Variants in EHBP1 observed in about 807,000 individuals in gnomAD.
The protein encoded by EHBP1 is EH domain binding protein 1, also known as EH domain-binding protein 1.
A neutral mutation model predicts 144.0 loss-of-function variants in EHBP1; 55 were observed. The ratio of observed to expected loss-of-function variants is 0.38; its 90% confidence interval spans 0.31 to 0.48. The LOEUF (loss-of-function observed/expected upper bound fraction) is 0.48, where lower values mean the gene tolerates loss of function less well. EHBP1 is among the 20% of genes least tolerant of loss of function. The probability of loss-of-function intolerance (pLI) is 0.98; values close to 1 mark genes in which losing one functional copy is unlikely to be tolerated. For synonymous variants in EHBP1, 469 were observed against 472.7 expected (o/e 0.99, Z 0.10); for missense variants, 1,200 against 1,364.2 (o/e 0.88, Z 1.90).
intron 2 of EHBP1, among the ~76,000 whole-genome samples, chr2:62,708,082 A>G (rs2151806704): frequency 6.6e-6 from 1 of 152,338 alleles, no homozygotes; most frequent in Non-Finnish European, 1.5e-5. Context: ...TTAAGCAGTA[A>G]TGGACTTATT....
intron 15 of EHBP1, chr2:62,988,113 A>T: frequency 1.3e-6 from 1 of 782,718 alleles, no homozygotes; most frequent in Non-Finnish European, 2.1e-6. Flanking sequence ...TATCTCATCA[A>T]TAATAATAAT....
chr2:62,809,933 T>C (rs2044850153), intron 5 of EHBP1, among the ~76,000 whole-genome samples: 1 of 152,206 alleles, frequency 6.6e-6, no homozygotes, highest in Non-Finnish European at 1.5e-5. Context: ...CCACCCTTTC[T>C]AAGAGTGACA....
At chr2:62,702,112 A>C (rs2034295939), upstream of EHBP1, among the ~76,000 whole-genome samples, 1 of 152,200 alleles carries the variant, frequency 6.6e-6, no homozygotes, top group Non-Finnish European at 1.5e-5. Flanking sequence ...TGAGGCAGTG[A>C]CTAAAAAAGC....
At chr2:62,996,176 A>G (rs1022807077) in intron 18 of EHBP1, among the ~76,000 whole-genome samples, 1 of 152,112 alleles carries the variant, frequency 6.6e-6, no homozygotes, top group African/African-American at 2.4e-5. Flanking sequence ...TTGTATTTCC[A>G]TAGAACAAAT....
intron 5 of EHBP1, among the ~76,000 whole-genome samples, chr2:62,801,080 A>G (rs2043945661): frequency 6.6e-6 from 1 of 152,182 alleles, no homozygotes; most frequent in Non-Finnish European, 1.5e-5. Flanking sequence ...ACTATACAAT[A>G]TTTTATCTAA....
At chr2:62,774,376 GAA>G (rs796115825) in intron 5 of EHBP1, among the ~76,000 whole-genome samples, 1 of 76,388 alleles carries the variant, frequency 1.3e-5, no homozygotes, top group African/African-American at 4.9e-5. Context: ...GTCTCAAAAA[GAA>G]AAAAAAAAAA....
chr2:62,719,666 A>G (rs2036021606), intron 2 of EHBP1, among the ~76,000 whole-genome samples: 1 of 152,266 alleles, frequency 6.6e-6, no homozygotes. Flanking sequence ...AAACATGTAC[A>G]GATTTGTTTT....
chr2:63,039,510 A>G (rs1574585533), intron 21 of EHBP1, among the ~76,000 whole-genome samples: 1 of 152,108 alleles, frequency 6.6e-6, no homozygotes, highest in South Asian at 2.1e-4. Flanking sequence ...ATGTCTGCTT[A>G]AAAGCTAATC....
chr2:62,982,373 G>A (rs1250997977), intron 15 of EHBP1, among the ~76,000 whole-genome samples: 1 of 152,174 alleles, frequency 6.6e-6, no homozygotes. Context: ...GAGCCTGGTT[G>A]TTATTTACCT....
At chr2:62,674,112 C>T in intron 1 of EHBP1, 1 of 471,156 alleles carries the variant, frequency 2.1e-6, no homozygotes, top group Non-Finnish European at 4.4e-6. Context: ...CAAGCATCCT[C>T]CTAATGTTCT....
chr2:62,701,645 G>A (rs574216551), upstream of EHBP1, among the ~76,000 whole-genome samples: 18 of 152,258 alleles, frequency 1.2e-4, no homozygotes, highest in South Asian at 3.3e-3. Context: ...GAGGAGAAAA[G>A]CCATAGCAAG....
intron 10 of EHBP1, among the ~76,000 whole-genome samples, chr2:62,882,711 C>G (rs1304409084): frequency 6.6e-6 from 1 of 152,038 alleles, no homozygotes; most frequent in Non-Finnish European, 1.5e-5. Context: ...GGAGAAACCT[C>G]GTCTCTACTA....
chr2:62,949,449 T>C (rs1486770746), intron 13 of EHBP1, among the ~76,000 whole-genome samples: 3 of 152,144 alleles, frequency 2.0e-5, no homozygotes, highest in Non-Finnish European at 4.4e-5. Context: ...TTAAGGTTTA[T>C]GATATAATAT....
At position 62,948,510 on chromosome 2, in the gene EHBP1, A is replaced by T. The variant is rs77187983; in HGVS notation, c.1664A>T (p.Asp555Val). 6.1e-3 allele frequency: 9,829 copies of T among 1,614,098 alleles called. 37 individuals carry two copies. The highest frequency in any genetic ancestry group is 7.3e-3 in the Non-Finnish European group (8,658 of 1,179,962). ...DQEKFYAELS[D>V]LKREPELQQP... ...GAAAAATTCTATGCAGAGCTTAGTGATCTGAAGCGGGAGCCTGAACTACAA... is the reference window on the plus strand; with the variant it reads ...GAAAAATTCTATGCAGAGCTTAGTGTTCTGAAGCGGGAGCCTGAACTACAA... The change falls in exon 13 of 23, where the codon GAT becomes GTT. Residue 555 changes from aspartate to valine, a missense_variant. Physicochemically the swap from Asp to Val is radical, Grantham distance 152. This residue lies in a region of EHBP1 where 543 missense variants were observed against 513.1 expected (regional missense o/e 1.06). Transcript: ENST00000431489.
At chr2:62,887,683 G>A (rs1480066906) in intron 10 of EHBP1, among the ~76,000 whole-genome samples, 1 of 152,102 alleles carries the variant, frequency 6.6e-6, no homozygotes, top group Non-Finnish European at 1.5e-5. Context: ...AGGTCGTGGT[G>A]AGCCACTGCA....
rs1354596282 is a variant in EHBP1 at position 62,949,179 on chromosome 2, G to A, written c.2316+17G>A. ...ATAGTCCAGGTAAGTGAGTTAGAAT[G>A]CTGAATACTATATTTAGTAATTAGT... On this transcript the variant is annotated intron_variant, in intron 13 of 22. Transcript: ENST00000431489. 1 of 1,518,116 alleles carries A rather than the reference G, an allele frequency of 6.6e-7. No individual in the cohort carries two copies. Among genetic ancestry groups the A allele is most frequent in the East Asian group, 2.3e-5 (1 of 44,098 alleles). The allele number at this position is 1,518,116 out of a possible 1,614,324, so 94.0% of individuals were successfully genotyped here.
chr2:62,675,104 G>A (rs552651247), intron 1 of EHBP1, among the ~76,000 whole-genome samples: 202 of 152,298 alleles, frequency 1.3e-3, no homozygotes, highest in Middle Eastern at 0.01. Context: ...GCAGAAACTG[G>A]AGAGATTTCT....
intron 13 of EHBP1, among the ~76,000 whole-genome samples, chr2:62,952,380 G>A (rs146171713): frequency 1.0e-3 from 158 of 152,076 alleles, no homozygotes; most frequent in Non-Finnish European, 1.5e-3. Context: ...TAACTTCTCC[G>A]AAATCAATAT....
At chr2:62,689,062 T>C (rs1243473952) in intron 1 of EHBP1, among the ~76,000 whole-genome samples, 1 of 152,228 alleles carries the variant, frequency 6.6e-6, no homozygotes, top group African/African-American at 2.4e-5. Flanking sequence ...ATTTGAAGCC[T>C]GTTATTTTTT....
Sources: gnomAD v4.1 joint callset for allele counts (sites outside exome capture counted in the v4.1 genomes callset) on GRCh38, gnomAD v4.1.1 for gene constraint, gnomAD v4.1.1 regional missense constraint, MANE v1.5 for transcripts, NCBI Gene and HGNC (gene_info 2026-07-23, HGNC 2026-07-21) for gene names.